Variants in ACSL5 observed in about 807,000 individuals in gnomAD.
ACSL5 encodes long-chain-fatty-acid--CoA ligase 5.
ACSL5 carries 50 observed loss-of-function variants against 84.9 expected under a neutral mutation model. The ratio of observed to expected loss-of-function variants is 0.59; its 90% CI spans 0.47 to 0.75. The LOEUF (loss-of-function observed/expected upper bound fraction) is 0.75. Ranked by LOEUF, ACSL5 falls within the 30% of genes least tolerant of loss-of-function variation. ACSL5 has a pLI of 0.00. For synonymous variants in ACSL5, 280 were observed against 300.7 expected, an observed-to-expected ratio of 0.93 and a Z score of 0.71; for missense variants, 775 against 830.4, an observed-to-expected ratio of 0.93 and a Z score of 0.82.
At chr10:112,414,177 C>A (rs1158603609) in intron 12 of ACSL5, among the ~76,000 whole-genome samples, 1 of 152,218 alleles carries the variant, frequency 6.6e-6, no homozygotes, top group East Asian at 1.9e-4. Flanking sequence ...CTTCCTCTTG[C>A]ATTCATTAGC....
intron 1 of ACSL5, chr10:112,376,286 A>G (rs202157884): frequency 2.5e-6 from 4 of 1,613,858 alleles, no homozygotes; most frequent in East Asian, 4.5e-5. Context: ...AACTGGGGAC[A>G]CTCTGGGCCG....
intron 2 of ACSL5, among the ~76,000 whole-genome samples, chr10:112,397,169 CTTTT>C (rs141789967): frequency 1.2e-4 from 17 of 139,860 alleles, no homozygotes; most frequent in East Asian, 2.1e-4. Context: ...CTCCCTTTTT[CTTTT>C]TTTTTTTTTT....
At chr10:112,404,658 T>C (rs762249068) in intron 4 of ACSL5, 47 bp from the exon 5 acceptor site, 12 of 1,603,820 alleles carry the variant, frequency 7.5e-6, no homozygotes, top group Non-Finnish European at 1.0e-5. Flanking sequence ...CAGTTTTTGG[T>C]CTTGACCTCT....
At chr10:112,401,787 T>C (rs534090880) in intron 3 of ACSL5, among the ~76,000 whole-genome samples, 261 of 52,536 alleles carry the variant, frequency 5.0e-3, no homozygotes, top group Admixed American at 7.0e-3. Context: ...TCTTTCTTTC[T>C]CTTTCTTTCT....
At chr10:112,425,175 C>T in intron 17 of ACSL5, 163 bp from the exon 18 acceptor site, 1 of 572,056 alleles carries the variant, frequency 1.7e-6, no homozygotes, top group Non-Finnish European at 3.0e-6. Flanking sequence ...CACGATGCTT[C>T]CCTCCCCTTT....
chr10:112,397,806 C>T (rs1036046025), intron 2 of ACSL5, among the ~76,000 whole-genome samples: 3 of 152,156 alleles, frequency 2.0e-5, no homozygotes, highest in African/African-American at 7.2e-5. Flanking sequence ...CTCCAACAAC[C>T]GTAGTGTGTG....
At chr10:112,388,834 C>G (rs1008727176) in intron 1 of ACSL5, among the ~76,000 whole-genome samples, 10 of 152,132 alleles carry the variant, frequency 6.6e-5, no homozygotes, top group African/African-American at 2.2e-4. Context: ...TGAGGTGAGG[C>G]CTGACCTATC....
At chr10:112,420,217 T>C (rs191572550) in intron 14 of ACSL5, among the ~76,000 whole-genome samples, 2 of 152,238 alleles carry the variant, frequency 1.3e-5, no homozygotes, top group African/African-American at 4.8e-5. Flanking sequence ...TAAGCCTTCC[T>C]CTCTCTCCCA....
At position 112,427,426 on chromosome 10, in the gene ACSL5, C is replaced by T. The variant is rs1844777008; in HGVS notation, c.*68C>T. 4 of 1,434,568 alleles carry T rather than the reference C, an allele frequency of 2.8e-6. No homozygotes were observed. Among genetic ancestry groups the T allele is most frequent in the Non-Finnish European group, 3.7e-6 (4 of 1,074,670 alleles). 88.9% of individuals were successfully genotyped at this position (1,434,568 alleles called of 1,614,324 possible). ...GTGAGAAAATGGATTAAAAACTATT[C>T]TTACATTTGTTTTGCCTTTCCTCCT... On this transcript the variant is annotated 3_prime_UTR_variant, in exon 21 of 21. Coordinates refer to ENST00000354655, the MANE Select transcript of ACSL5 (RefSeq NM_203379.2).
chr10:112,422,438 C>T lies in ACSL5; in HGVS notation c.1590C>T (p.Leu530=). 1 of 1,613,672 alleles carries T rather than the reference C, an allele frequency of 6.2e-7. No individual in the cohort carries two copies. Among genetic ancestry groups the T allele is most frequent in the Non-Finnish European group, 8.5e-7 (1 of 1,179,672 alleles). Reference sequence around the variant, plus strand: ...ACACAGGAGACATTGGTCGCTGGCTCCCGGTAGGTATATCATCAGAACTCC... The same window carrying T: ...ACACAGGAGACATTGGTCGCTGGCTTCCGGTAGGTATATCATCAGAACTCC... ...WLHTGDIGRW[L]PNGTLKIIDR... The change falls in exon 17 of 21, where the codon CTC becomes CTT. Residue 530 remains leucine, a synonymous_variant. Coordinates refer to ENST00000354655, the MANE Select transcript of ACSL5 (RefSeq NM_203379.2).
chr10:112,394,910 T>G lies in ACSL5; in HGVS notation c.-29-8T>G, dbSNP rs753552101. 1 of 1,610,586 alleles carries G rather than the reference T, an allele frequency of 6.2e-7. No homozygotes were observed. The highest frequency in any genetic ancestry group is 2.2e-5 in the East Asian group (1 of 44,860). On this transcript the variant is annotated splice_region_variant and splice_polypyrimidine_tract_variant and intron_variant, in intron 1 of 20. Coordinates refer to ENST00000354655, the MANE Select transcript of ACSL5 (RefSeq NM_203379.2). Reference sequence around the variant, plus strand: ...TCTAAATTTTCTTTCCCCTGTTTTTTTTTTAAGGTCTGAATTTCCTGCTGC... The same window carrying G: ...TCTAAATTTTCTTTCCCCTGTTTTTGTTTTAAGGTCTGAATTTCCTGCTGC...
At position 112,422,018 on chromosome 10, in the gene ACSL5, G is replaced by A; in HGVS notation, c.1459G>A (p.Val487Met). 6.2e-7 allele frequency: 1 copy of A among 1,614,250 alleles called. No homozygotes were observed. Among genetic ancestry groups the A allele is most frequent in the Non-Finnish European group, 8.5e-7 (1 of 1,180,062 alleles). Residue 487 changes from valine (V) to methionine (M), a missense_variant, in exon 16 of 21, where the codon GTG (valine) becomes ATG (methionine). Transcript: ENST00000354655. ...TGTGGCTGACATGAACTACTTTACA[G>A]TGAATAATGAAGGAGAGGTGGGTAG... ...EDVADMNYFT[V>M]NNEGEVCIKG...
At chr10:112,410,287 T>C (rs1008437653) in intron 7 of ACSL5, 176 bp from the exon 8 acceptor site, 1 of 1,545,272 alleles carries the variant, frequency 6.5e-7, no homozygotes, top group African/African-American at 1.4e-5. Context: ...AATCTTATGC[T>C]CTTCCCTGGG....
intron 3 of ACSL5, among the ~76,000 whole-genome samples, chr10:112,403,745 A>G (rs1006429793): frequency 9.2e-5 from 14 of 152,220 alleles, no homozygotes; most frequent in African/African-American, 3.1e-4. Flanking sequence ...TTCCCTTATT[A>G]TATTTTAGGG....
At chr10:112,379,292 C>T (rs1174891583) in intron 1 of ACSL5, among the ~76,000 whole-genome samples, 1 of 152,010 alleles carries the variant, frequency 6.6e-6, no homozygotes, top group Non-Finnish European at 1.5e-5. Context: ...GTAATCCCAG[C>T]TACTCGGGAG....
In ACSL5 at chr10:112,394,806, G is replaced by A. The variant is rs549077881; in HGVS notation, c.-29-112G>A. The A allele has an allele frequency of 9.0e-4, 1,361 of 1,516,234 alleles. 2 individuals are homozygous for A. The highest frequency in any genetic ancestry group is 5.8e-3 in the African/African-American group (420 of 72,054). 93.9% of individuals were successfully genotyped at this position (1,516,234 alleles called of 1,614,324 possible). ...TGTGTTTGAGGGTTTGAAGGCGTGC[G>A]CGCGTGTGTGTGTGTATGTGTGTGT... On this transcript the variant is annotated intron_variant, in intron 1 of 20. Transcript: ENST00000354655.
intron 3 of ACSL5, among the ~76,000 whole-genome samples, chr10:112,399,428 C>G (rs1270075210): frequency 6.6e-6 from 1 of 152,204 alleles, no homozygotes; most frequent in Non-Finnish European, 1.5e-5. Context: ...GATAGACAAT[C>G]TGAGCCAGGA....
chr10:112,388,932 G>A (rs1041589625), intron 1 of ACSL5, among the ~76,000 whole-genome samples: 1 of 152,168 alleles, frequency 6.6e-6, no homozygotes, highest in Non-Finnish European at 1.5e-5. Context: ...AACAGACTTC[G>A]AATAGGGTTT....
chr10:112,411,446 T>C lies in ACSL5; in HGVS notation c.797-10T>C, dbSNP rs1272891495. The stretch of plus-strand genomic sequence containing the variant: ...AAAGTATCTTTCTCTCCACCTCTTA[T>C]TTCCTACAGGTGACCCCAAAGGAGC... On this transcript the variant is annotated splice_polypyrimidine_tract_variant and intron_variant, in intron 9 of 20. Coordinates refer to ENST00000354655, the MANE Select transcript of ACSL5 (RefSeq NM_203379.2). 36 of 1,606,060 alleles carry C rather than the reference T, an allele frequency of 2.2e-5. No homozygotes were observed. Among genetic ancestry groups the C allele is most frequent in the Non-Finnish European group, 3.1e-5 (36 of 1,172,858 alleles).
Sources: gnomAD v4.1 joint callset for allele counts (sites outside exome capture counted in the v4.1 genomes callset) on GRCh38, gnomAD v4.1.1 for gene constraint, MANE v1.5 for transcripts, NCBI Gene and HGNC (gene_info 2026-07-23, HGNC 2026-07-21) for gene names.